The following KHDRBS2 variants were observed in gnomAD, a reference collection of about 807,000 sequenced individuals.
KHDRBS2 encodes KH domain-containing, RNA-binding, signal transduction-associated protein 2.
KHDRBS2 carries 26 observed loss-of-function variants against 44.3 expected under a neutral mutation model. The observed-to-expected ratio is 0.59, with a 90% CI of 0.43 to 0.81. KHDRBS2 has a LOEUF of 0.81. Ranked by LOEUF, KHDRBS2 falls within the 40% of genes least tolerant of loss-of-function variation. The probability of loss-of-function intolerance (pLI) is 0.00; values close to 1 mark genes in which losing one functional copy is unlikely to be tolerated. For missense variants in KHDRBS2, 476 were observed against 433.1 expected, an observed-to-expected ratio of 1.10 and a Z score of -0.88; for synonymous variants, 194 against 151.1, an observed-to-expected ratio of 1.28 and a Z score of -2.08.
Position 61,745,256 on chromosome 6 carries a change from A to G in KHDRBS2, c.811-12492T>C, listed in dbSNP as rs1191023962. Among the ~76,000 whole-genome samples, 5 of 152,186 alleles carry G rather than the reference A, an allele frequency of 3.3e-5. 1 individual carries two copies. Among genetic ancestry groups the G allele is most frequent in the South Asian group, 4.1e-4 (2 of 4,832 alleles). On this transcript the variant is annotated intron_variant, in intron 6 of 8. Transcript: ENST00000281156. ...AACATTTTAGTAATTTTTCTCTAGTATGATAAGAAAGGATGTTAACTTTGT... is the reference window on the plus strand; with the variant it reads ...AACATTTTAGTAATTTTTCTCTAGTGTGATAAGAAAGGATGTTAACTTTGT...
intron 1 of KHDRBS2, among the ~76,000 whole-genome samples, chr6:62,180,607 GTCCATAAT>G (rs1403900079): frequency 6.6e-6 from 1 of 151,780 alleles, no homozygotes; most frequent in Admixed American, 6.6e-5. Flanking sequence ...TTGTTAAAAT[GTCCATAAT>G]ACCCCAATAA....
chr6:61,656,910 C>G, the KHDRBS2 span, among the ~76,000 whole-genome samples: 4 of 151,900 alleles, frequency 2.6e-5, no homozygotes, highest in Non-Finnish European at 5.9e-5. Flanking sequence ...TAGATATGTT[C>G]TTATTTAATC....
intron 6 of KHDRBS2, among the ~76,000 whole-genome samples, chr6:61,882,039 T>C (rs1375953840): frequency 6.6e-6 from 1 of 152,074 alleles, no homozygotes; most frequent in African/African-American, 2.4e-5. Flanking sequence ...CCAGTACTAC[T>C]GCACAAGAGG....
chr6:61,670,556 C>T, the KHDRBS2 span, among the ~76,000 whole-genome samples: 2 of 151,438 alleles, frequency 1.3e-5, no homozygotes, highest in Non-Finnish European at 3.0e-5. Context: ...CTTCAAGCAA[C>T]ATATAATTAT....
chr6:61,688,609 T>C (rs906457339), intron 8 of KHDRBS2, among the ~76,000 whole-genome samples: 5 of 151,928 alleles, frequency 3.3e-5, no homozygotes, highest in African/African-American at 1.2e-4. Context: ...TTACTCCCCC[T>C]ACATTCTTCA....
intron 6 of KHDRBS2, among the ~76,000 whole-genome samples, chr6:61,843,611 CA>C (rs1793933975): frequency 6.6e-6 from 1 of 151,898 alleles, no homozygotes; most frequent in Non-Finnish European, 1.5e-5. Context: ...GTGATCCACC[CA>C]CCTCAGCCTC....
chr6:61,562,979 G>T, the KHDRBS2 span, among the ~76,000 whole-genome samples: 1 of 152,128 alleles, frequency 6.6e-6, no homozygotes, highest in East Asian at 1.9e-4. Flanking sequence ...GCATTTTAGT[G>T]GATTACCTGT....
At chr6:61,846,839 GC>G (rs1192006819) in intron 6 of KHDRBS2, among the ~76,000 whole-genome samples, 4 of 151,424 alleles carry the variant, frequency 2.6e-5, no homozygotes, top group African/African-American at 9.7e-5. Flanking sequence ...TTAATTTATT[GC>G]TTAAAAAGTG....
intron 2 of KHDRBS2, among the ~76,000 whole-genome samples, chr6:62,106,522 AC>A (rs1554405172): frequency 6.6e-6 from 1 of 152,108 alleles, no homozygotes; most frequent in Non-Finnish European, 1.5e-5. Flanking sequence ...TGATCCCTTT[AC>A]CAGGTACAAG....
At chr6:61,970,193 C>T (rs945402891) in intron 4 of KHDRBS2, among the ~76,000 whole-genome samples, 2 of 151,856 alleles carry the variant, frequency 1.3e-5, no homozygotes, top group African/African-American at 2.4e-5. Flanking sequence ...AAATGGTGCT[C>T]TTACCACCAT....
chr6:62,109,193 G>GCAATGT (rs1239848901), intron 2 of KHDRBS2, among the ~76,000 whole-genome samples: 1 of 151,488 alleles, frequency 6.6e-6, no homozygotes, highest in Non-Finnish European at 1.5e-5. Context: ...TGAAAAATAG[G>GCAATGT]CAATGTAACT....
At chr6:61,936,495 C>T (rs1428621427) in intron 4 of KHDRBS2, among the ~76,000 whole-genome samples, 1 of 151,838 alleles carries the variant, frequency 6.6e-6, no homozygotes, top group Non-Finnish European at 1.5e-5. Flanking sequence ...CCTATATATT[C>T]TCATTATTCT....
At chr6:61,773,477 T>G (rs1407108794) in intron 6 of KHDRBS2, among the ~76,000 whole-genome samples, 6 of 152,160 alleles carry the variant, frequency 3.9e-5, no homozygotes, top group Admixed American at 2.0e-4. Context: ...TTGCCCACTT[T>G]TTGATGGGGT....
chr6:62,059,198 G>GTTTGTTTTTTTTTTTT (rs1791039685), intron 2 of KHDRBS2, among the ~76,000 whole-genome samples: 1 of 24,878 alleles, frequency 4.0e-5, no homozygotes, highest in African/African-American at 1.1e-4. Context: ...AAGTTAGGAA[G>GTTTGTTTTTTTTTTTT]TTTTTTTTTT....
chr6:62,039,601 T>C (rs1786044130), intron 3 of KHDRBS2, among the ~76,000 whole-genome samples: 1 of 152,116 alleles, frequency 6.6e-6, no homozygotes, highest in Admixed American at 6.6e-5. Flanking sequence ...TTGCACAGAC[T>C]GATCTCATAT....
At chr6:61,868,852 C>T (rs1798178923) in intron 6 of KHDRBS2, among the ~76,000 whole-genome samples, 1 of 152,156 alleles carries the variant, frequency 6.6e-6, no homozygotes, top group African/African-American at 2.4e-5. Flanking sequence ...GTTGCAGTCG[C>T]CTTTTCCGGG....
intron 6 of KHDRBS2, among the ~76,000 whole-genome samples, chr6:61,890,295 A>G (rs2127326313): frequency 6.6e-6 from 1 of 152,324 alleles, no homozygotes; most frequent in South Asian, 2.1e-4. Flanking sequence ...TTAATATTTT[A>G]CTATTTTCTG....
intron 2 of KHDRBS2, among the ~76,000 whole-genome samples, chr6:62,144,590 A>T (rs1448012148): frequency 6.6e-6 from 1 of 151,906 alleles, no homozygotes; most frequent in African/African-American, 2.4e-5. Flanking sequence ...AATGATTTGG[A>T]TCTCATTTTC....
At chr6:62,001,726 C>T (rs1778271927) in intron 3 of KHDRBS2, among the ~76,000 whole-genome samples, 1 of 152,034 alleles carries the variant, frequency 6.6e-6, no homozygotes, top group African/African-American at 2.4e-5. Flanking sequence ...CATGAAATAC[C>T]ACACAGAGAG....
Sources: gnomAD v4.1 joint callset for allele counts (sites outside exome capture counted in the v4.1 genomes callset) on GRCh38, gnomAD v4.1.1 for gene constraint, MANE v1.5 for transcripts, NCBI Gene and HGNC (gene_info 2026-07-23, HGNC 2026-07-21) for gene names.